MBP: variants seen among roughly 807,000 people sequenced by gnomAD.
MBP encodes the protein myelin basic protein.
A neutral mutation model predicts 35.8 loss-of-function variants in MBP; 16 were observed. The ratio of observed to expected loss-of-function variants is 0.45; its 90% CI spans 0.30 to 0.68. The LOEUF (loss-of-function observed/expected upper bound fraction) is 0.68, where lower values mean the gene tolerates loss of function less well. Ranked by LOEUF, MBP falls within the 30% of genes least tolerant of loss-of-function variation. The pLI is 0.08. For missense variants in MBP, 380 were observed against 404.7 expected (o/e 0.94, Z 0.52); for synonymous variants, 143 against 159.6 (o/e 0.90, Z 0.78).
intron 4 of MBP, chr18:77,005,394 T>G (rs1277782663): frequency 1.3e-5 from 2 of 152,244 alleles, no homozygotes; most frequent in African/African-American, 4.8e-5. Context: ...AGCACACCCT[T>G]CATGACCACA....
intron 3 of MBP, among the ~76,000 whole-genome samples, chr18:77,051,263 G>A (rs905717636): frequency 3.3e-5 from 5 of 152,174 alleles, no homozygotes; most frequent in African/African-American, 1.2e-4. Context: ...CCATTTCAGT[G>A]TGCCCAAATT....
At chr18:77,108,887 T>C (rs1296896618) in intron 1 of MBP, 1 of 152,220 alleles carries the variant, frequency 6.6e-6, no homozygotes, top group Non-Finnish European at 1.5e-5. Flanking sequence ...CTTTCTACGG[T>C]GAAAATCAGG....
intron 3 of MBP, among the ~76,000 whole-genome samples, chr18:77,062,510 C>CG (rs143787143): frequency 0.53 from 44,625 of 83,440 alleles, 8,067 homozygotes; most frequent in East Asian, 0.61. Flanking sequence ...AGAAAGCTGT[C>CG]GAAAAAAAAA....
chr18:77,014,475 C>T (rs1173877704), intron 4 of MBP: 20 of 985,374 alleles, frequency 2.0e-5, no homozygotes, highest in Non-Finnish European at 1.2e-6. Flanking sequence ...GGGCCCGGGC[C>T]TTCCACTGCT....
At chr18:77,128,229 T>A (rs536875786) in intron 1 of MBP, among the ~76,000 whole-genome samples, 1 of 152,330 alleles carries the variant, frequency 6.6e-6, no homozygotes, top group Non-Finnish European at 1.5e-5. Flanking sequence ...ATGGACATGC[T>A]TGCCAACCCG....
intron 3 of MBP, among the ~76,000 whole-genome samples, chr18:77,048,663 C>G (rs1396808091): frequency 1.3e-5 from 2 of 152,040 alleles, no homozygotes; most frequent in African/African-American, 4.8e-5. Flanking sequence ...GGGGTTTCAC[C>G]ATGTTGGTCA....
chr18:77,033,000 C>A (rs1270090206), intron 3 of MBP, among the ~76,000 whole-genome samples: 2 of 152,168 alleles, frequency 1.3e-5, no homozygotes, highest in Non-Finnish European at 2.9e-5. Flanking sequence ...CTGAGTCTCA[C>A]TCTGTGACCC....
rs921606071 is a variant in MBP, at chr18:77,056,658, G to A, written c.139+9640C>T. Among the ~76,000 whole-genome samples the A allele has an allele frequency of 7.9e-5, 12 of 152,278 alleles. No homozygotes were observed. The East Asian group carries it at 2.1e-3, about 27-fold the overall frequency. ...GTGCTTAAAAACCCTCCCGCCTTTC[G>A]TTTCAGCAGGGTGGAGTTCAGCTCG... On this transcript the variant is annotated intron_variant, in intron 3 of 8. Transcript: ENST00000355994.
At chr18:76,996,826 G>A (rs1442349118) in intron 4 of MBP, among the ~76,000 whole-genome samples, 1 of 152,090 alleles carries the variant, frequency 6.6e-6, no homozygotes, top group Non-Finnish European at 1.5e-5. Context: ...TCATAGAAGT[G>A]TACCCCCAAA....
rs1279739603 is a variant in MBP at position 76,989,941 on chromosome 18, T to C, written c.681+15A>G. 1.9e-6 allele frequency: 3 copies of C among 1,603,600 alleles called. No homozygotes were observed. The highest frequency in any genetic ancestry group is 3.3e-5 in the Admixed American group (2 of 59,988). ...CCCTCACAGTTGCTACCTCTTCCCA[T>C]CGATCGTCACTTACAATGTTCTTGA... On this transcript the variant is annotated intron_variant, in intron 5 of 8. Coordinates refer to ENST00000355994, the MANE Select transcript of MBP (RefSeq NM_001025101.2). This position sits in a 1 kb window ranked among gnomAD's most constrained non-coding sequence, Gnocchi z 4.0.
At chr18:77,067,253 C>T (rs556140896) in intron 2 of MBP, among the ~76,000 whole-genome samples, 30 of 152,332 alleles carry the variant, frequency 2.0e-4, no homozygotes, top group African/African-American at 7.2e-4. Context: ...CCAGCTCCTT[C>T]CAGACTTTGC....
chr18:77,131,737 C>G lies in MBP; in HGVS notation c.-26+843G>C, dbSNP rs979539755. On this transcript the variant is annotated intron_variant, in intron 1 of 8. Coordinates refer to ENST00000355994, the MANE Select transcript of MBP (RefSeq NM_001025101.2). This position sits in a 1 kb window ranked among gnomAD's most constrained non-coding sequence, Gnocchi z 5.5. ...AAAATCTAGTGTGGCGGCAAATGAC[C>G]GCAGGTCACACACCCCGGCCTCGGG... 2.6e-5 allele frequency: 4 copies of G among 151,912 alleles called. No homozygotes were observed. Among genetic ancestry groups the G allele is most frequent in the African/African-American group, 9.7e-5 (4 of 41,306 alleles). 9.4% of individuals were successfully genotyped at this position (151,912 alleles called of 1,614,324 possible).
At chr18:77,027,820 T>G (rs909151503) in intron 3 of MBP, among the ~76,000 whole-genome samples, 1 of 152,184 alleles carries the variant, frequency 6.6e-6, no homozygotes, top group Non-Finnish European at 1.5e-5. Context: ...CCTGAGGAGC[T>G]GTGACTACAG....
intron 4 of MBP, chr18:77,009,982 C>T (rs1971250758): frequency 8.2e-7 from 1 of 1,217,810 alleles, no homozygotes; most frequent in Non-Finnish European, 1.2e-6. Flanking sequence ...GCCGGCAATG[C>T]CCCAAAGTCC....
intron 2 of MBP, among the ~76,000 whole-genome samples, chr18:77,091,779 A>C (rs967208170): frequency 6.6e-6 from 1 of 151,918 alleles, no homozygotes; most frequent in African/African-American, 2.4e-5. Context: ...CACACACACC[A>C]CACACACATC....
chr18:77,108,114 G>A (rs975156238), intron 1 of MBP, among the ~76,000 whole-genome samples: 5 of 152,194 alleles, frequency 3.3e-5, no homozygotes, highest in African/African-American at 1.2e-4. Flanking sequence ...CTGGCAGTCT[G>A]CCTTATTAGC....
upstream of MBP, chr18:77,133,459 T>C (rs1977352869): frequency 6.6e-6 from 1 of 152,320 alleles, no homozygotes; most frequent in Non-Finnish European, 1.5e-5. Context: ...AGAGACATCG[T>C]GGTCTTCGTC....
chr18:77,071,812 C>T (rs191341514), intron 2 of MBP, among the ~76,000 whole-genome samples: 1 of 152,244 alleles, frequency 6.6e-6, no homozygotes, highest in African/African-American at 2.4e-5. Context: ...TGTCAGATGG[C>T]GACTGTCCAA....
chr18:77,119,480 G>A (rs1455621928), intron 1 of MBP, among the ~76,000 whole-genome samples: 1 of 152,000 alleles, frequency 6.6e-6, no homozygotes, highest in East Asian at 1.9e-4. Flanking sequence ...ATGACACACA[G>A]TAGGCACACA....
Sources: allele counts gnomAD v4.1 joint callset (sites outside exome capture counted in the v4.1 genomes callset), GRCh38; gene constraint gnomAD v4.1.1; non-coding constraint Gnocchi (gnomAD v3.1); transcripts MANE v1.5; gene names NCBI Gene and HGNC (gene_info 2026-07-23, HGNC 2026-07-21).